The following DAB1 variants were observed in gnomAD, a reference collection of about 807,000 sequenced individuals.
DAB1 encodes the protein DAB adaptor protein 1.
Under a neutral mutation model 64.6 loss-of-function variants are expected in DAB1, and 15 were observed. The ratio of observed to expected loss-of-function variants is 0.23; its 90% confidence interval spans 0.16 to 0.36. The LOEUF is 0.36. Ranked by LOEUF, DAB1 falls within the 10% of genes least tolerant of loss-of-function variation. The pLI is 1.00. For missense variants in DAB1, 596 were observed against 706.7 expected, an observed-to-expected ratio of 0.84 and a Z score of 1.78; for synonymous variants, 235 against 251.9, an observed-to-expected ratio of 0.93 and a Z score of 0.64.
At chr1:57,616,464 C>G (rs930991252) in intron 7 of DAB1, among the ~76,000 whole-genome samples, 1 of 152,158 alleles carries the variant, frequency 6.6e-6, no homozygotes, top group Non-Finnish European at 1.5e-5. Context: ...TTTCTCCAAA[C>G]ATAGTAAACA....
At chr1:57,928,813 C>T (rs894579073) in intron 5 of DAB1, among the ~76,000 whole-genome samples, 2 of 152,060 alleles carry the variant, frequency 1.3e-5, no homozygotes, top group African/African-American at 4.8e-5. Flanking sequence ...AATAATATTT[C>T]GTTATCTGGA....
chr1:57,673,627 C>A (rs540075767), intron 6 of DAB1, among the ~76,000 whole-genome samples: 2 of 152,012 alleles, frequency 1.3e-5, no homozygotes, highest in Non-Finnish European at 2.9e-5. Flanking sequence ...CATTTCGGAG[C>A]AGTAAATATT....
chr1:57,656,929 A>G (rs990061661), intron 6 of DAB1, among the ~76,000 whole-genome samples: 1 of 152,274 alleles, frequency 6.6e-6, no homozygotes, highest in Non-Finnish European at 1.5e-5. Flanking sequence ...ATTAAGTACT[A>G]CTTTGAAAGA....
chr1:57,870,802 A>G (rs894066571), intron 1 of DAB1, among the ~76,000 whole-genome samples: 1 of 152,250 alleles, frequency 6.6e-6, no homozygotes, highest in Admixed American at 6.5e-5. Flanking sequence ...ACAGAACCAT[A>G]TCGGTTTGTA....
chr1:58,142,735 T>G (rs148147869), intron 5 of DAB1, among the ~76,000 whole-genome samples: 149 of 152,360 alleles, frequency 9.8e-4, no homozygotes, highest in Non-Finnish European at 1.7e-3. Flanking sequence ...TTCGTTCTCA[T>G]GCTTCAAGGC....
chr1:57,073,094 C>G (rs560655002), intron 4 of DAB1, among the ~76,000 whole-genome samples: 32 of 152,288 alleles, frequency 2.1e-4, no homozygotes, highest in African/African-American at 7.5e-4. Flanking sequence ...GTGAAACTTC[C>G]TCTGAACAAG....
chr1:57,928,611 G>C (rs1644912306), intron 5 of DAB1, among the ~76,000 whole-genome samples: 1 of 152,152 alleles, frequency 6.6e-6, no homozygotes, highest in Non-Finnish European at 1.5e-5. Context: ...TCTGTGCTCT[G>C]CATATTCACC....
chr1:57,815,010 G>A (rs1164590098), intron 6 of DAB1, among the ~76,000 whole-genome samples: 2 of 152,096 alleles, frequency 1.3e-5, no homozygotes, highest in Non-Finnish European at 2.9e-5. Context: ...CTGGAAATTA[G>A]TTTCCTGGAT....
rs1020458654 is a variant in DAB1, at chr1:57,116,163, G to A, written c.306+20380C>T. ...ATGCTGAGCAGTTTAGTGTGGATTC[G>A]CTTAGAAAGCAGGTTGGGAGGCCTG... is the stretch of plus-strand genomic sequence containing the variant. On this transcript the variant is annotated intron_variant, in intron 4 of 14. Transcript: ENST00000371236. 5.0e-4 allele frequency among the ~76,000 whole-genome samples: 76 copies of A among 151,956 alleles called. 1 individual carries two copies. Among genetic ancestry groups the A allele is most frequent in the African/African-American group, 1.8e-3 (75 of 41,392 alleles).
intron 4 of DAB1, among the ~76,000 whole-genome samples, chr1:58,229,367 G>A (rs1659669141): frequency 6.6e-6 from 1 of 152,164 alleles, no homozygotes; most frequent in Non-Finnish European, 1.5e-5. Context: ...ACACTTAGAA[G>A]CACAGAATTT....
At chr1:58,120,767 C>T (rs1024829688) in intron 5 of DAB1, among the ~76,000 whole-genome samples, 1 of 152,190 alleles carries the variant, frequency 6.6e-6, no homozygotes, top group Non-Finnish European at 1.5e-5. Context: ...TCTAAAATGA[C>T]GTAGCCCTCA....
intron 4 of DAB1, among the ~76,000 whole-genome samples, chr1:58,251,775 A>G (rs1387911942): frequency 6.6e-6 from 1 of 152,206 alleles, no homozygotes; most frequent in African/African-American, 2.4e-5. Context: ...TAACTGTTAC[A>G]GGATTGGAAA....
Position 58,010,835 on chromosome 1 carries a change from G to A in DAB1, n.388-126673C>T, listed in dbSNP as rs552688629. Among the ~76,000 whole-genome samples the A allele has an allele frequency of 2.0e-5, 3 of 152,322 alleles. No homozygotes were observed. The South Asian group carries it at 6.2e-4, about 32-fold the overall frequency. On this transcript the variant is annotated intron_variant and non_coding_transcript_variant, in intron 5 of 20. Transcript: ENST00000485760. ...TCCCTTATTCCACACTCTCTGGGAA[G>A]TAGAAACCTCAAAATTTGTCTCAGC...
At chr1:57,941,796 CT>C (rs1645110127) in intron 5 of DAB1, among the ~76,000 whole-genome samples, 1 of 152,068 alleles carries the variant, frequency 6.6e-6, no homozygotes, top group South Asian at 2.1e-4. Flanking sequence ...AATTGCACCA[CT>C]GCACTCCAGC....
At chr1:57,212,789 A>G (rs1666127936) in intron 2 of DAB1, among the ~76,000 whole-genome samples, 1 of 152,198 alleles carries the variant, frequency 6.6e-6, no homozygotes, top group South Asian at 2.1e-4. Context: ...GGAACCCAGC[A>G]TTCAAATAGG....
At chr1:57,245,960 A>G (rs1036657542) in intron 2 of DAB1, among the ~76,000 whole-genome samples, 6 of 152,248 alleles carry the variant, frequency 3.9e-5, no homozygotes, top group African/African-American at 1.4e-4. Flanking sequence ...AAAAGTGTAC[A>G]TGCATATGCA....
At chr1:57,741,826 C>T (rs1648009518) in intron 6 of DAB1, among the ~76,000 whole-genome samples, 1 of 152,182 alleles carries the variant, frequency 6.6e-6, no homozygotes, top group Admixed American at 6.5e-5. Flanking sequence ...GACCCAGGAC[C>T]TCAGTTGAAC....
At chr1:58,534,215 C>G (rs748108465) in intron 1 of DAB1, 1 of 871,874 alleles carries the variant, frequency 1.1e-6, no homozygotes, top group Non-Finnish European at 2.0e-6. Context: ...CCCAATTGAT[C>G]TGAGAGATCC....
chr1:57,569,152 G>A (rs1462694690), intron 7 of DAB1, among the ~76,000 whole-genome samples: 1 of 149,136 alleles, frequency 6.7e-6, no homozygotes, highest in Non-Finnish European at 1.5e-5. Flanking sequence ...CAGCTACTCG[G>A]GAGGCTGAGG....
Sources: allele counts gnomAD v4.1 joint callset (sites outside exome capture counted in the v4.1 genomes callset), GRCh38; gene constraint gnomAD v4.1.1; transcripts MANE v1.5; gene names NCBI Gene and HGNC (gene_info 2026-07-23, HGNC 2026-07-21).